PPP2R2B: variants seen among roughly 807,000 people sequenced by gnomAD.
The protein encoded by PPP2R2B is serine/threonine-protein phosphatase 2A 55 kDa regulatory subunit B beta isoform.
PPP2R2B carries 5 observed loss-of-function variants against 46.0 expected under a neutral mutation model. That is an observed-to-expected ratio of 0.11 (90% CI 0.06 to 0.23). PPP2R2B has a LOEUF of 0.23. PPP2R2B is among the 10% of genes least tolerant of loss of function. The probability of loss-of-function intolerance (pLI) is 1.00; values close to 1 mark genes in which losing one functional copy is unlikely to be tolerated. For synonymous variants in PPP2R2B, 215 were observed against 206.7 expected (o/e 1.04, Z -0.34); for missense variants, 367 against 575.0 (o/e 0.64, Z 3.70).
intron 6 of PPP2R2B, among the ~76,000 whole-genome samples, chr5:146,640,312 G>A (rs953697051): frequency 1.5e-4 from 23 of 152,126 alleles, no homozygotes; most frequent in African/African-American, 5.6e-4. Flanking sequence ...GGGTCTCCGG[G>A]GCATGTGAGT....
chr5:147,062,175 C>G (rs1757279438), intron 2 of PPP2R2B, among the ~76,000 whole-genome samples: 1 of 152,150 alleles, frequency 6.6e-6, no homozygotes, highest in African/African-American at 2.4e-5. Flanking sequence ...GTTACAACTG[C>G]CCAGAGTACT....
At chr5:146,969,282 G>C (rs1246298870) in intron 1 of PPP2R2B, among the ~76,000 whole-genome samples, 1 of 152,184 alleles carries the variant, frequency 6.6e-6, no homozygotes, top group African/African-American at 2.4e-5. Context: ...GTTCCAGATG[G>C]AGGAAGGCCC....
At chr5:146,941,193 G>A (rs1023207178) in intron 1 of PPP2R2B, among the ~76,000 whole-genome samples, 1 of 152,090 alleles carries the variant, frequency 6.6e-6, no homozygotes, top group Non-Finnish European at 1.5e-5. Context: ...CTGGAAAACA[G>A]GACACTCCTC....
intron 4 of PPP2R2B, among the ~76,000 whole-genome samples, chr5:146,693,164 CCTTCCTTCCCTT>C (rs899250689): frequency 9.2e-5 from 14 of 151,630 alleles, no homozygotes; most frequent in African/African-American, 1.7e-4. Context: ...TTCTTTCTTT[CCTTCCTTCCCTT>C]CTTCCTTCCC....
chr5:146,740,237 AG>A (rs1274213674), intron 2 of PPP2R2B, among the ~76,000 whole-genome samples: 27 of 152,324 alleles, frequency 1.8e-4, no homozygotes, highest in African/African-American at 6.3e-4. Flanking sequence ...GAGGTGTACA[AG>A]TGATAAAAGA....
chr5:146,656,709 T>G (rs1776353928), intron 5 of PPP2R2B: 1 of 152,454 alleles, frequency 6.6e-6, no homozygotes, highest in Non-Finnish European at 1.5e-5. Flanking sequence ...AAAGAGCTTT[T>G]ATGGCTGGAG....
In PPP2R2B at chr5:146,878,156, G is replaced by T. The variant is rs571642154; in HGVS notation, c.-85C>A. Reference sequence around the variant, plus strand: ...CCCCGCAGCCAGTCTCACAGGAGAGGGGGGCAGGGGAGCCAGTGGGACTGC... The same window carrying T: ...CCCCGCAGCCAGTCTCACAGGAGAGTGGGGCAGGGGAGCCAGTGGGACTGC... On this transcript the variant is annotated 5_prime_UTR_variant, in exon 2 of 10. Coordinates refer to ENST00000394411, the MANE Select transcript of PPP2R2B (RefSeq NM_181675.4). The surrounding 1 kb of genome is among the most constrained non-coding windows in gnomAD (Gnocchi z 4.5). The T allele has an allele frequency of 1.4e-5, 23 of 1,607,372 alleles. No homozygotes were observed. The highest frequency in any genetic ancestry group is 6.7e-5 in the African/African-American group (5 of 74,934).
In PPP2R2B at chr5:146,802,693, G is replaced by A. The variant is rs1431700180; in HGVS notation, c.70+75309C>T. On this transcript the variant is annotated intron_variant, in intron 2 of 9. Transcript: ENST00000394411. The stretch of plus-strand genomic sequence containing the variant: ...ATTTCCTACAAGTAGGGTTTTGTCA[G>A]CAGGTTGGTAAACAGTTTTTCCTCA... 7.2e-5 allele frequency among the ~76,000 whole-genome samples: 11 copies of A among 152,294 alleles called. No homozygotes were observed. The South Asian group carries it at 2.1e-3, about 29-fold the overall frequency.
intron 2 of PPP2R2B, among the ~76,000 whole-genome samples, chr5:146,819,256 G>A (rs966974479): frequency 6.6e-6 from 1 of 152,186 alleles, no homozygotes; most frequent in Non-Finnish European, 1.5e-5. Flanking sequence ...AGATAAAGAT[G>A]TTTTTTCTTC....
At chr5:146,839,571 T>G (rs777028920) in intron 2 of PPP2R2B, among the ~76,000 whole-genome samples, 11 of 152,216 alleles carry the variant, frequency 7.2e-5, no homozygotes, top group Non-Finnish European at 1.2e-4. Flanking sequence ...AATCATGTTT[T>G]TGTGTCATCT....
intron 2 of PPP2R2B, among the ~76,000 whole-genome samples, chr5:147,077,167 TTA>T (rs1757799683): frequency 6.8e-6 from 1 of 146,126 alleles, no homozygotes; most frequent in South Asian, 2.1e-4. Flanking sequence ...TTGTATATTA[TTA>T]TATATGTATA....
chr5:146,724,891 G>C, intron 2 of PPP2R2B, among the ~76,000 whole-genome samples: 1 of 152,084 alleles, frequency 6.6e-6, no homozygotes, highest in Non-Finnish European at 1.5e-5. Context: ...GACCTTAAGA[G>C]GATGATTGAC....
At chr5:146,701,968 C>T (rs1244036742) in intron 2 of PPP2R2B, among the ~76,000 whole-genome samples, 3 of 150,534 alleles carry the variant, frequency 2.0e-5, no homozygotes, top group Non-Finnish European at 4.4e-5. Context: ...TTTATTAGGG[C>T]TATTTTTAGA....
At chr5:146,671,060 C>T (rs1185036585) in intron 5 of PPP2R2B, among the ~76,000 whole-genome samples, 2 of 152,070 alleles carry the variant, frequency 1.3e-5, no homozygotes, top group East Asian at 1.9e-4. Context: ...TAACATCAAA[C>T]TGAGACTTTG....
At chr5:146,719,900 A>G (rs569958780) in intron 2 of PPP2R2B, among the ~76,000 whole-genome samples, 25 of 152,194 alleles carry the variant, frequency 1.6e-4, no homozygotes, top group Admixed American at 1.3e-3. Context: ...GCATTCCCAT[A>G]TGGCCATTCC....
intron 1 of PPP2R2B, among the ~76,000 whole-genome samples, chr5:146,940,554 C>G (rs1291760882): frequency 6.6e-6 from 1 of 150,638 alleles, no homozygotes; most frequent in Non-Finnish European, 1.5e-5. Flanking sequence ...GAGAACATAT[C>G]TAAAAAGGGA....
intron 2 of PPP2R2B, among the ~76,000 whole-genome samples, chr5:146,799,079 C>A (rs1756709715): frequency 6.6e-6 from 1 of 152,134 alleles, no homozygotes. Flanking sequence ...GCAGCCAGAA[C>A]AAAGCAATGG....
chr5:146,853,586 C>G (rs1760477225), intron 2 of PPP2R2B, among the ~76,000 whole-genome samples: 1 of 152,062 alleles, frequency 6.6e-6, no homozygotes, highest in Non-Finnish European at 1.5e-5. Context: ...TTTCAAAACC[C>G]TAATTGAGTA....
At chr5:146,893,702 C>T (rs2151429981) in intron 1 of PPP2R2B, among the ~76,000 whole-genome samples, 1 of 152,014 alleles carries the variant, frequency 6.6e-6, no homozygotes, top group African/African-American at 2.4e-5. Context: ...CATCACATAC[C>T]AGAGGCTGTC....
Sources: gnomAD v4.1 joint callset for allele counts (sites outside exome capture counted in the v4.1 genomes callset) on GRCh38, gnomAD v4.1.1 for gene constraint, Gnocchi (gnomAD v3.1) non-coding constraint, MANE v1.5 for transcripts, NCBI Gene and HGNC (gene_info 2026-07-23, HGNC 2026-07-21) for gene names.